Variants in CLINT1 observed in about 807,000 individuals in gnomAD.
CLINT1 encodes the protein clathrin interacting protein localized in the trans-Golgi region.
A neutral mutation model predicts 70.4 loss-of-function variants in CLINT1; 15 were observed. The ratio of observed to expected loss-of-function variants is 0.21; its 90% CI spans 0.14 to 0.33. CLINT1 has a LOEUF of 0.33. CLINT1 is among the 10% of genes least tolerant of loss of function. The pLI is 1.00. For missense variants in CLINT1, 615 were observed against 778.1 expected (o/e 0.79, Z 2.49); for synonymous variants, 227 against 254.7 (o/e 0.89, Z 1.04).
intron 6 of CLINT1, chr5:157,809,248 A>C (rs149434812): frequency 6.1e-6 from 1 of 164,048 alleles, no homozygotes; most frequent in African/African-American, 2.4e-5. Flanking sequence ...TATACAATAC[A>C]GTAATGAGGA....
intron 1 of CLINT1, among the ~76,000 whole-genome samples, chr5:157,841,017 T>C (rs1328344846): frequency 6.6e-6 from 1 of 152,174 alleles, no homozygotes; most frequent in Non-Finnish European, 1.5e-5. Context: ...ATCCCAGCAC[T>C]TTGGAAGGCC....
intron 1 of CLINT1, among the ~76,000 whole-genome samples, chr5:157,820,499 CAT>C (rs1347848920): frequency 2.0e-4 from 30 of 152,138 alleles, no homozygotes; most frequent in African/African-American, 7.2e-4. Context: ...GATTTGATGG[CAT>C]AAAGAATTCC....
intron 11 of CLINT1, among the ~76,000 whole-genome samples, chr5:157,788,639 G>A (rs1307940469): frequency 1.3e-5 from 2 of 152,170 alleles, no homozygotes; most frequent in Non-Finnish European, 2.9e-5. Flanking sequence ...ACAGTATAGA[G>A]AGAATGATCC....
At chr5:157,794,675 G>A (rs1451393878) in intron 9 of CLINT1, among the ~76,000 whole-genome samples, 1 of 152,050 alleles carries the variant, frequency 6.6e-6, no homozygotes, top group Non-Finnish European at 1.5e-5. Flanking sequence ...TATGAATATG[G>A]GCAATTTTCT....
At chr5:157,791,589 A>G in intron 10 of CLINT1, 114 bp downstream of exon 10, 2 of 922,250 alleles carry the variant, frequency 2.2e-6, no homozygotes, top group South Asian at 3.2e-5. Context: ...ACACATATTC[A>G]TACACATAAA....
intron 1 of CLINT1, among the ~76,000 whole-genome samples, chr5:157,842,593 TTTG>T (rs1753224185): frequency 6.6e-6 from 1 of 152,222 alleles, no homozygotes; most frequent in East Asian, 1.9e-4. Context: ...TTAGAAAAAC[TTTG>T]TTGAATATTT....
chr5:157,842,469 A>C (rs1024320117), intron 1 of CLINT1, among the ~76,000 whole-genome samples: 10 of 152,236 alleles, frequency 6.6e-5, no homozygotes, highest in African/African-American at 2.4e-4. Context: ...AAAAGGTCTT[A>C]TAATTGTTCT....
At chr5:157,805,056 CTAT>C (rs1762346241) in intron 7 of CLINT1, among the ~76,000 whole-genome samples, 1 of 152,136 alleles carries the variant, frequency 6.6e-6, no homozygotes, top group South Asian at 2.1e-4. Context: ...ATAAAAGTCT[CTAT>C]TATTAAAAAA....
intron 8 of CLINT1, 23 bp downstream of exon 8, chr5:157,803,626 GA>G: frequency 5.0e-6 from 7 of 1,411,410 alleles, no homozygotes; most frequent in East Asian, 2.5e-5. Flanking sequence ...CAAACCAAAA[GA>G]AAAGGCCAAT....
At chr5:157,845,508 A>G (rs1428156700) in intron 1 of CLINT1, among the ~76,000 whole-genome samples, 1 of 151,768 alleles carries the variant, frequency 6.6e-6, no homozygotes, top group East Asian at 1.9e-4. Flanking sequence ...ACTGTGCTTC[A>G]CACCTATTTA....
intron 8 of CLINT1, among the ~76,000 whole-genome samples, chr5:157,801,736 G>A (rs760260068): frequency 2.0e-5 from 3 of 152,096 alleles, no homozygotes; most frequent in Non-Finnish European, 4.4e-5. Context: ...GAGAAGCTTA[G>A]GCAAGAGAAT....
Position 157,851,044 on chromosome 5 carries a change from G to A in CLINT1, c.41+7886C>T, listed in dbSNP as rs547703779. Among the ~76,000 whole-genome samples, 14 of 152,122 alleles carry A rather than the reference G, an allele frequency of 9.2e-5. No individual in the cohort carries two copies. In the East Asian group the frequency reaches 2.5e-3, roughly 27 times the overall value. ...TGGGCTCAAGAGATCTTCCCTTCTC[G>A]GCCTCCCAAAGTGTTGGGATTACAG... On this transcript the variant is annotated intron_variant, in intron 1 of 11. Transcript: ENST00000411809.
chr5:157,819,302 T>C (rs1762811361), intron 1 of CLINT1, among the ~76,000 whole-genome samples: 1 of 152,172 alleles, frequency 6.6e-6, no homozygotes. Context: ...AAAATCCTAT[T>C]ATTTTCTTTC....
chr5:157,801,613 A>G (rs1440491186), intron 8 of CLINT1, among the ~76,000 whole-genome samples: 1 of 151,992 alleles, frequency 6.6e-6, no homozygotes, highest in Non-Finnish European at 1.5e-5. Flanking sequence ...CAGGCAGATC[A>G]CCTGAGGTCA....
At chr5:157,789,927 G>A (rs6874306) in intron 10 of CLINT1, 25,196 of 217,820 alleles carry the variant, frequency 0.12, 2,072 homozygotes, top group African/African-American at 0.24. Flanking sequence ...GAGGCCAGGC[G>A]CAGTGACTTA....
At chr5:157,845,077 A>G (rs886272222) in intron 1 of CLINT1, among the ~76,000 whole-genome samples, 2 of 152,194 alleles carry the variant, frequency 1.3e-5, no homozygotes, top group African/African-American at 4.8e-5. Flanking sequence ...GCCTGGGTGC[A>G]GTGGCTCACG....
At chr5:157,856,214 C>T (rs1416866816) in intron 1 of CLINT1, among the ~76,000 whole-genome samples, 2 of 152,170 alleles carry the variant, frequency 1.3e-5, no homozygotes, top group Admixed American at 6.6e-5. Context: ...AATTTGTCTG[C>T]TATTGTAAAA....
chr5:157,808,606 T>A (rs1762455988), intron 6 of CLINT1, among the ~76,000 whole-genome samples: 1 of 152,164 alleles, frequency 6.6e-6, no homozygotes, highest in African/African-American at 2.4e-5. Flanking sequence ...TGCATTACCC[T>A]TTACATTCTC....
chr5:157,793,646 C>T (rs1461817534), intron 9 of CLINT1, among the ~76,000 whole-genome samples: 1 of 152,046 alleles, frequency 6.6e-6, no homozygotes, highest in Non-Finnish European at 1.5e-5. Flanking sequence ...ATAAGGGTAA[C>T]GTTTACCTTC....
Sources: allele counts gnomAD v4.1 joint callset (sites outside exome capture counted in the v4.1 genomes callset), GRCh38; gene constraint gnomAD v4.1.1; transcripts MANE v1.5; gene names NCBI Gene and HGNC (gene_info 2026-07-23, HGNC 2026-07-21).